MCF2L: variants seen among roughly 807,000 people sequenced by gnomAD.
MCF2L encodes MCF.2 cell line derived transforming sequence like, also known as guanine nucleotide exchange factor DBS.
MCF2L carries 97 observed loss-of-function variants against 153.4 expected under a neutral mutation model. The ratio of observed to expected loss-of-function variants is 0.63; its 90% confidence interval spans 0.54 to 0.75. MCF2L has a LOEUF of 0.75. Ranked by LOEUF, MCF2L falls within the 30% of genes least tolerant of loss-of-function variation. The probability of loss-of-function intolerance (pLI) is 0.00; values close to 1 mark genes in which losing one functional copy is unlikely to be tolerated. For missense variants in MCF2L, 1,347 were observed against 1,495.2 expected (o/e 0.90, Z 1.64); for synonymous variants, 659 against 632.2 (o/e 1.04, Z -0.64).
Position 113,045,849 on chromosome 13 carries a change from C to T in MCF2L, c.369+488C>T, listed in dbSNP as rs1320118440. The T allele has an allele frequency of 5.9e-6, 1 of 170,650 alleles. No homozygotes were observed. The highest frequency in any genetic ancestry group is 2.4e-5 in the African/African-American group (1 of 41,992). 10.6% of individuals were successfully genotyped at this position (170,650 alleles called of 1,614,324 possible). Reference sequence around the variant, plus strand: ...AGGACGGGGGCTGTGTGCAGAGACGCTCCAGGCTGGAAGTTGGAAGTGGTA... The same window carrying T: ...AGGACGGGGGCTGTGTGCAGAGACGTTCCAGGCTGGAAGTTGGAAGTGGTA... On this transcript the variant is annotated intron_variant, in intron 4 of 29. Transcript: ENST00000535094. This position sits in a 1 kb window ranked among gnomAD's most constrained non-coding sequence, Gnocchi z 4.2.
At chr13:112,979,497 C>G (rs2140891318) in intron 1 of MCF2L, 1 of 1,443,688 alleles carries the variant, frequency 6.9e-7, no homozygotes, top group East Asian at 2.6e-5. Flanking sequence ...CCAGAGTCAC[C>G]AGGGTCCTGA....
At position 113,064,640 on chromosome 13, in the gene MCF2L, A is replaced by T. The variant is rs913486001; in HGVS notation, c.606+220A>T. On this transcript the variant is annotated intron_variant, in intron 6 of 29. Transcript: ENST00000535094. This position sits in a 1 kb window ranked among gnomAD's most constrained non-coding sequence, Gnocchi z 6.0. The stretch of plus-strand genomic sequence containing the variant: ...TGGCTTTCTCTGGGCTTGGAGACCA[A>T]AAAAAAAAAAAAAACCCTTGCGTTG... The T allele has an allele frequency of 7.2e-6, 2 of 275,942 alleles. No homozygotes were observed. Among genetic ancestry groups the T allele is most frequent in the Non-Finnish European group, 6.8e-6 (1 of 147,608 alleles). The allele number at this position is 275,942 out of a possible 1,614,324, so 17.1% of individuals were successfully genotyped here.
At chr13:113,056,470 G>A (rs1447844878) in intron 4 of MCF2L, among the ~76,000 whole-genome samples, 1 of 150,594 alleles carries the variant, frequency 6.6e-6, no homozygotes, top group Non-Finnish European at 1.5e-5. Context: ...CTGTGTGTTT[G>A]GGTGCTGAGT....
In MCF2L at chr13:113,036,623, C is replaced by T. The variant is rs971999264; in HGVS notation, c.279-8648C>T. Among the ~76,000 whole-genome samples, 8 of 152,362 alleles carry T rather than the reference C, an allele frequency of 5.3e-5. No homozygotes were observed. In the East Asian group the frequency reaches 9.6e-4, roughly 18 times the overall value. On this transcript the variant is annotated intron_variant, in intron 3 of 29. Transcript: ENST00000535094. ...CCACCCACAGAAGGACGCGCTGTCCCGGCCCCGCATCCCCAGGAGTGCGTG... is the reference window on the plus strand; with the variant it reads ...CCACCCACAGAAGGACGCGCTGTCCTGGCCCCGCATCCCCAGGAGTGCGTG...
In MCF2L at chr13:113,087,763, CTGG is replaced by C; in HGVS notation, c.2654_2656del (p.Trp885del). The C allele has an allele frequency of 6.2e-7, 1 of 1,614,134 alleles. No individual in the cohort carries two copies. The highest frequency in any genetic ancestry group is 8.5e-7 in the Non-Finnish European group (1 of 1,180,042). ...AGGGAGATGCTAAGAAGTTCGAGAT[CTGG>C]TACAACGCGCGCGAGGAGGTCTACA... On this transcript the variant is annotated inframe_deletion, in exon 23 of 30. Transcript: ENST00000535094.
intron 2 of MCF2L, among the ~76,000 whole-genome samples, chr13:112,936,450 C>A (rs149689565): frequency 6.6e-6 from 1 of 152,186 alleles, no homozygotes; most frequent in Non-Finnish European, 1.5e-5. Flanking sequence ...CACCCTCTGC[C>A]GTCTAATGCA....
chr13:112,917,076 C>T (rs887978349), intron 2 of MCF2L: 1 of 471,160 alleles, frequency 2.1e-6, no homozygotes, highest in Non-Finnish European at 4.4e-6. Context: ...TGTCGTTTCT[C>T]CTGTCTAAAC....
At chr13:113,016,151 G>GC (rs550139962) in intron 2 of MCF2L, among the ~76,000 whole-genome samples, 197 of 152,296 alleles carry the variant, frequency 1.3e-3, no homozygotes, top group African/African-American at 4.2e-3. Flanking sequence ...AGCTCTGGGG[G>GC]GGATTTTGCA....
intron 12 of MCF2L, 124 bp downstream of exon 12, chr13:113,076,281 TG>T: frequency 2.7e-6 from 2 of 732,748 alleles, no homozygotes; most frequent in Admixed American, 4.0e-5. Context: ...ATTTTTTTTT[TG>T]AGATGGAATC....
intron 2 of MCF2L, among the ~76,000 whole-genome samples, chr13:112,961,838 A>G (rs1000391150): frequency 6.6e-5 from 10 of 152,274 alleles, no homozygotes; most frequent in African/African-American, 1.9e-4. Context: ...TGGGGTACGG[A>G]ATCAGAGGGG....
chr13:112,920,040 A>G (rs1423452484), intron 2 of MCF2L, among the ~76,000 whole-genome samples: 1 of 152,112 alleles, frequency 6.6e-6, no homozygotes, highest in Non-Finnish European at 1.5e-5. Context: ...GGTTTCCTTT[A>G]TCTCAAGCTG....
At chr13:112,985,795 G>A (rs1018060393) in intron 1 of MCF2L, among the ~76,000 whole-genome samples, 6 of 152,330 alleles carry the variant, frequency 3.9e-5, no homozygotes, top group African/African-American at 1.4e-4. Context: ...AGGCTGCCCC[G>A]CGTCTTGAGA....
At chr13:113,011,430 C>T (rs1008885693) in intron 1 of MCF2L, among the ~76,000 whole-genome samples, 10 of 151,716 alleles carry the variant, frequency 6.6e-5, no homozygotes, top group South Asian at 6.3e-4. Flanking sequence ...GTGGTGTGGA[C>T]GGTGGACAGG....
At chr13:113,039,912 T>C (rs180890444) in intron 3 of MCF2L, among the ~76,000 whole-genome samples, 16 of 152,332 alleles carry the variant, frequency 1.1e-4, no homozygotes, top group African/African-American at 3.8e-4. Flanking sequence ...GGAGTGTGTA[T>C]TGTGTGCACT....
chr13:112,983,302 G>A lies in MCF2L; in HGVS notation c.79+13844G>A, dbSNP rs890231211. ...AACTCCTAGAAGTTAGTTCTGTGTC[G>A]TGAGAATAAAAAAGTTAACATGTCT... is the stretch of plus-strand genomic sequence containing the variant. On this transcript the variant is annotated intron_variant, in intron 1 of 29. Coordinates refer to ENST00000535094, the MANE Select transcript of MCF2L (RefSeq NM_001112732.3). This position sits in a 1 kb window ranked among gnomAD's most constrained non-coding sequence, Gnocchi z 4.0. 1.1e-4 allele frequency among the ~76,000 whole-genome samples: 16 copies of A among 152,174 alleles called. No homozygotes were observed. The highest frequency in any genetic ancestry group is 2.9e-4 in the African/African-American group (12 of 41,438).
Position 113,074,125 on chromosome 13 carries a change from T to G in MCF2L, c.997-319T>G, listed in dbSNP as rs539447518. On this transcript the variant is annotated intron_variant, in intron 9 of 29. Coordinates refer to ENST00000535094, the MANE Select transcript of MCF2L (RefSeq NM_001112732.3). This position sits in a 1 kb window ranked among gnomAD's most constrained non-coding sequence, Gnocchi z 4.2. ...TTTCGGCTCCCAGGGCCTTTGTCCT[T>G]GCGTGATCTCATCTTCTCCTCATGC... is the stretch of plus-strand genomic sequence containing the variant. Among the ~76,000 whole-genome samples the G allele has an allele frequency of 2.6e-5, 4 of 152,126 alleles. No homozygotes were observed. Among genetic ancestry groups the G allele is most frequent in the Admixed American group, 6.5e-5 (1 of 15,280 alleles).
chr13:113,091,521 T>TGTGA (rs2035209968), intron 26 of MCF2L, among the ~76,000 whole-genome samples: 1 of 152,202 alleles, frequency 6.6e-6, no homozygotes, highest in African/African-American at 2.4e-5. Flanking sequence ...GCCCAGTGGC[T>TGTGA]GCTGTCGGCT....
chr13:112,962,054 C>T (rs762985034), intron 2 of MCF2L, among the ~76,000 whole-genome samples: 1 of 137,676 alleles, frequency 7.3e-6, no homozygotes, highest in East Asian at 2.1e-4. Context: ...CACACGGACA[C>T]GCACACACAT....
intron 4 of MCF2L, among the ~76,000 whole-genome samples, chr13:113,060,063 G>A (rs1445532459): frequency 6.6e-6 from 1 of 152,166 alleles, no homozygotes; most frequent in Non-Finnish European, 1.5e-5. Context: ...TATGGGGAGC[G>A]TCTCTCTGCT....
Sources: allele counts gnomAD v4.1 joint callset (sites outside exome capture counted in the v4.1 genomes callset), GRCh38; gene constraint gnomAD v4.1.1; non-coding constraint Gnocchi (gnomAD v3.1); transcripts MANE v1.5; gene names NCBI Gene and HGNC (gene_info 2026-07-23, HGNC 2026-07-21).